Variants in BTNL2 observed in about 807,000 individuals in gnomAD.
The protein encoded by BTNL2 is butyrophilin like 2, also known as butyrophilin-like protein 2.
BTNL2 carries 46 observed loss-of-function variants against 46.8 expected under a neutral mutation model. The ratio of observed to expected loss-of-function variants is 0.98; its 90% CI spans 0.78 to 1.26. The LOEUF (loss-of-function observed/expected upper bound fraction) is 1.26, where lower values mean the gene tolerates loss of function less well. BTNL2 is among the 50% of genes most tolerant of loss of function. BTNL2 has a pLI of 0.00. For missense variants in BTNL2, 461 were observed against 592.6 expected, an observed-to-expected ratio of 0.78 and a Z score of 2.31; for synonymous variants, 226 against 229.1, an observed-to-expected ratio of 0.99 and a Z score of 0.12.
rs763695436 is a variant in BTNL2, at chr6:32,404,916, T to C, written c.427+23A>G. The C allele has an allele frequency of 6.9e-6, 11 of 1,599,250 alleles. No individual in the cohort carries two copies. The African/African-American group carries it at 1.3e-4, about 19-fold the overall frequency. ...AATATATCTCTGCCTCTTGAGACCC[T>C]GTGTCTTTCCCCAGATATTCACCTG... is the stretch of plus-strand genomic sequence containing the variant. On this transcript the variant is annotated intron_variant, in intron 2 of 7. Transcript: ENST00000454136.
intron 2 of BTNL2, among the ~76,000 whole-genome samples, chr6:32,404,058 T>A (rs1776959674): frequency 6.6e-6 from 1 of 152,116 alleles, no homozygotes; most frequent in African/African-American, 2.4e-5. Flanking sequence ...ATATATGTAT[T>A]CCTCCATCCA....
chr6:32,401,470 T>C (rs1178982984), intron 4 of BTNL2, among the ~76,000 whole-genome samples: 1 of 152,024 alleles, frequency 6.6e-6, no homozygotes, highest in African/African-American at 2.4e-5. Context: ...TCTGCTGTCA[T>C]CCCCCACACA....
In BTNL2 at chr6:32,394,789, T is replaced by C; in HGVS notation, c.1315A>G (p.Ile439Val). 1 of 1,614,098 alleles carries C rather than the reference T, an allele frequency of 6.2e-7. No homozygotes were observed. Among genetic ancestry groups the C allele is most frequent in the Non-Finnish European group, 8.5e-7 (1 of 1,179,922 alleles). ...SAVDVTCSIS[I>V]PFLGEEKIAT... is the part of the protein sequence containing the mutation. ...ATTTTCTCCTCGCCCAAAAAGGGGA[T>C]GCTGATGGAACAAGTGACGTCCACA... Residue 439 changes from isoleucine to valine, a missense_variant, in exon 6 of 8, where the codon ATC becomes GTC. Transcript: ENST00000454136. The surrounding 1 kb of genome is among the most constrained non-coding windows in gnomAD (Gnocchi z 4.6).
intron 2 of BTNL2, 60 bp from the exon 3 acceptor site, chr6:32,403,276 C>G (rs897232165): frequency 2.0e-6 from 3 of 1,519,488 alleles, no homozygotes; most frequent in Non-Finnish European, 2.7e-6. Context: ...ATCACAGAGG[C>G]TGAGATCCCA....
intron 2 of BTNL2, 27 bp downstream of exon 2, chr6:32,404,912 A>G: frequency 6.3e-7 from 1 of 1,592,370 alleles, no homozygotes; most frequent in Non-Finnish European, 8.6e-7. Context: ...GCCTCTTGAG[A>G]CCCTGTGTCT....
chr6:32,396,016 A>G lies in BTNL2; in HGVS notation c.1078+23T>C. 1.3e-6 allele frequency: 2 copies of G among 1,574,014 alleles called. No homozygotes were observed. Among genetic ancestry groups the G allele is most frequent in the South Asian group, 2.3e-5 (2 of 87,598 alleles). ...GTGGCAGGAGCAGGTATTGAATACA[A>G]AATATCTATCTAGAATTCTTACTTA... On this transcript the variant is annotated intron_variant, in intron 5 of 7. Coordinates refer to ENST00000454136, the MANE Select transcript of BTNL2 (RefSeq NM_001304561.2). The surrounding 1 kb of genome is among the most constrained non-coding windows in gnomAD (Gnocchi z 4.4).
At chr6:32,398,554 G>C (rs4713524) in intron 4 of BTNL2, among the ~76,000 whole-genome samples, 29,746 of 152,126 alleles carry the variant, frequency 0.2, 3,191 homozygotes, top group East Asian at 0.32. Context: ...GGCTGTTTCT[G>C]CATCCACATG....
chr6:32,403,894 A>G (rs1178243991), intron 2 of BTNL2: 2 of 152,308 alleles, frequency 1.3e-5, no homozygotes, highest in African/African-American at 4.8e-5. Context: ...TAAGGGGACT[A>G]TATTTTCCAT....
rs1347351864 is a variant in BTNL2, at chr6:32,399,574, C to T, written c.730+2211G>A. 2.6e-5 allele frequency among the ~76,000 whole-genome samples: 4 copies of T among 152,122 alleles called. No homozygotes were observed. The highest frequency in any genetic ancestry group is 9.7e-5 in the African/African-American group (4 of 41,420). ...ACACATAAGTAATTAAGGACTTGCA[C>T]TGTTAAGTTAGATAGATGTAGATTA... On this transcript the variant is annotated intron_variant, in intron 4 of 7. Transcript: ENST00000454136. This position sits in a 1 kb window ranked among gnomAD's most constrained non-coding sequence, Gnocchi z 5.2.
chr6:32,405,425 AT>A (rs1373688317), intron 1 of BTNL2, 139 bp from the exon 2 acceptor site: 1 of 867,022 alleles, frequency 1.2e-6, no homozygotes, highest in Non-Finnish European at 1.9e-6. Context: ...GAAATCCAGC[AT>A]GATGATTTGC....
rs765905468 is a variant in BTNL2 at position 32,405,268 on chromosome 6, C to A, written c.98G>T (p.Gly33Val). 1.1e-5 allele frequency: 17 copies of A among 1,612,888 alleles called. No homozygotes were observed. The highest frequency in any genetic ancestry group is 1.4e-5 in the Non-Finnish European group (16 of 1,180,000). Residue 33 changes from glycine to valine, a missense_variant, in exon 2 of 8, where the codon GGC (glycine) becomes GTC (valine). By Grantham distance (109) the Gly-to-Val change is moderately radical. Transcript: ENST00000454136. Reference sequence around the variant, plus strand: ...CCCGGCCAGGATAGGATGAGCAGGGCCAATGACTCTAAAGTCTTCTATAAA... The same window carrying A: ...CCCGGCCAGGATAGGATGAGCAGGGACAATGACTCTAAAGTCTTCTATAAA... ...MKQSEDFRVI[G>V]PAHPILAGVG...
At chr6:32,400,912 CAA>C (rs760395296) in intron 4 of BTNL2, among the ~76,000 whole-genome samples, 9 of 93,812 alleles carry the variant, frequency 9.6e-5, no homozygotes, top group Admixed American at 2.3e-4. Context: ...GACTCCGTCT[CAA>C]AAAAAAAAAA....
At chr6:32,400,376 T>C (rs963708900) in intron 4 of BTNL2, among the ~76,000 whole-genome samples, 1 of 152,036 alleles carries the variant, frequency 6.6e-6, no homozygotes, top group Non-Finnish European at 1.5e-5. Context: ...CTGGAGCAGG[T>C]GACTTGATGG....
chr6:32,401,258 A>G (rs937369968), intron 4 of BTNL2, among the ~76,000 whole-genome samples: 7 of 145,228 alleles, frequency 4.8e-5, no homozygotes, highest in African/African-American at 1.0e-4. Flanking sequence ...CTACACTCAC[A>G]GTATCCCAGG....
In BTNL2 at chr6:32,399,674, T is replaced by A. The variant is rs2294883; in HGVS notation, c.730+2111A>T. 0.2 allele frequency among the ~76,000 whole-genome samples: 29,782 copies of A among 152,196 alleles called. 3,200 individuals carry two copies. The highest frequency in any genetic ancestry group is 0.32 in the East Asian group (1,679 of 5,184). On this transcript the variant is annotated intron_variant, in intron 4 of 7. Transcript: ENST00000454136. The surrounding 1 kb of genome is among the most constrained non-coding windows in gnomAD (Gnocchi z 5.2). ...CTCTAAGATTGTTTCTTAGCTGTAA[T>A]ATGAGGATAAAGCAATTAAACTTTA...
At chr6:32,401,250 A>G (rs1278270714) in intron 4 of BTNL2, among the ~76,000 whole-genome samples, 1 of 140,778 alleles carries the variant, frequency 7.1e-6, no homozygotes, top group Non-Finnish European at 1.5e-5. Flanking sequence ...AAAAATTGCT[A>G]CACTCACAGT....
intron 4 of BTNL2, among the ~76,000 whole-genome samples, chr6:32,397,558 A>G (rs189567403): frequency 0.012 from 1,846 of 152,276 alleles, 63 homozygotes; most frequent in East Asian, 0.11. Context: ...CTAACACTTC[A>G]ATTCTGTATG....
Position 32,402,948 on chromosome 6 carries a change from G to A in BTNL2, c.696C>T (p.Val232=). 6.2e-7 allele frequency: 1 copy of A among 1,612,662 alleles called. No homozygotes were observed. The highest frequency in any genetic ancestry group is 8.5e-7 in the Non-Finnish European group (1 of 1,179,834). The change falls in exon 3 of 8, where the codon GTC becomes GTT. Residue 232 remains valine (V), a synonymous_variant. Coordinates refer to ENST00000454136, the MANE Select transcript of BTNL2 (RefSeq NM_001304561.2). ...NPVLTEEKGS[V]ISLPEKLQTE... ...CAGAGCACTGACCTGGGAGGCTGAT[G>A]ACCGACCCCTTCTCCTCAGTGAGGA...
rs775963731 is a variant in BTNL2, at chr6:32,405,103, A to T, written c.263T>A (p.Met88Lys). ...CTCTACCCAGCCTCTGTACTCCTCC[A>T]TCTGCATCTCAGTCACCTCCACTCC... is the stretch of plus-strand genomic sequence containing the variant. Reference protein sequence around the residue: ...RDGVEVTEMQMEEYRGWVEWI... With the variant: ...RDGVEVTEMQKEEYRGWVEWI... The change falls in exon 2 of 8, where the codon ATG becomes AAG. Residue 88 changes from methionine (M) to lysine (K), a missense_variant. Coordinates refer to ENST00000454136, the MANE Select transcript of BTNL2 (RefSeq NM_001304561.2). 2.5e-6 allele frequency: 4 copies of T among 1,612,864 alleles called. No homozygotes were observed. Among genetic ancestry groups the T allele is most frequent in the Non-Finnish European group, 3.4e-6 (4 of 1,180,016 alleles).
Sources: gnomAD v4.1 joint callset for allele counts (sites outside exome capture counted in the v4.1 genomes callset) on GRCh38, gnomAD v4.1.1 for gene constraint, Gnocchi (gnomAD v3.1) non-coding constraint, MANE v1.5 for transcripts, NCBI Gene and HGNC (gene_info 2026-07-23, HGNC 2026-07-21) for gene names.